FBLN2: variants seen among roughly 807,000 people sequenced by gnomAD.
The protein encoded by FBLN2 is fibulin 2, also known as fibulin-2.
In FBLN2, 81 loss-of-function variants were observed where a neutral mutation model predicts 123.7. The ratio of observed to expected loss-of-function variants is 0.65; its 90% CI spans 0.55 to 0.79. The LOEUF (loss-of-function observed/expected upper bound fraction) is 0.79. Ranked by LOEUF, FBLN2 falls within the 30% of genes least tolerant of loss-of-function variation. The pLI, the probability that FBLN2 is intolerant of heterozygous loss-of-function variation, is 0.00. For synonymous variants in FBLN2, 699 were observed against 701.4 expected, an observed-to-expected ratio of 1.00 and a Z score of 0.05; for missense variants, 1,603 against 1,681.3, an observed-to-expected ratio of 0.95 and a Z score of 0.81.
intron 2 of FBLN2, among the ~76,000 whole-genome samples, chr3:13,579,522 G>A (rs117919247): frequency 2.6e-5 from 4 of 152,384 alleles, no homozygotes; most frequent in South Asian, 4.1e-4. Context: ...GTGCGTGCAC[G>A]TATTTTCACA....
At position 13,549,219 on chromosome 3, in the gene FBLN2, G is replaced by C; in HGVS notation, c.-42+11G>C. ...GCGCAGTGCCCCGCGGTGAGTGCAC[G>C]CGGCCCCTCCCGCCCGGACTCATCC... On this transcript the variant is annotated intron_variant, in intron 1 of 17. Transcript: ENST00000404922. The C allele has an allele frequency of 1.0e-6, 1 of 983,640 alleles. No homozygotes were observed. Among genetic ancestry groups the C allele is most frequent in the Non-Finnish European group, 1.2e-6 (1 of 829,250 alleles). The allele number at this position is 983,640 out of a possible 1,614,324, so 60.9% of individuals were successfully genotyped here. A position where few individuals can be genotyped will look rare whatever the true frequency, so the allele number is the denominator to read the frequency against.
intron 2 of FBLN2, among the ~76,000 whole-genome samples, chr3:13,574,009 G>T (rs1704051943): frequency 6.6e-6 from 1 of 151,900 alleles, no homozygotes; most frequent in Non-Finnish European, 1.5e-5. Context: ...GCGGTGGCCT[G>T]AGCTCCCTGT....
In FBLN2 at chr3:13,571,605, TGGA is replaced by T. The variant is rs772064017; in HGVS notation, c.1257_1259del (p.Glu419del). 6.2e-7 allele frequency: 1 copy of T among 1,612,146 alleles called. No homozygotes were observed. The highest frequency in any genetic ancestry group is 2.2e-5 in the East Asian group (1 of 44,836). The stretch of plus-strand genomic sequence containing the variant: ...CCGCAAGTTCTGCCCCATTCCCACG[TGGA>T]GGAGGACACAGACCCCAACTCTGTC... On this transcript the variant is annotated inframe_deletion, in exon 2 of 18. Coordinates refer to ENST00000404922, the MANE Select transcript of FBLN2 (RefSeq NM_001004019.2).
intron 5 of FBLN2, among the ~76,000 whole-genome samples, chr3:13,615,556 C>T (rs1369348694): frequency 6.6e-6 from 1 of 152,254 alleles, no homozygotes. Context: ...GGCTCCTTCT[C>T]AGAGCCTTCA....
In FBLN2 at chr3:13,571,638, C is replaced by T. The variant is rs1214430976; in HGVS notation, c.1283C>T (p.Ser428Phe). The part of the protein sequence containing the change: ...EEDTDPNSVH[S>F]IPRSSPEGST... ...GACACAGACCCCAACTCTGTCCATT[C>T]TATCCCCAGAAGTAGCCCTGAAGGT... Residue 428 changes from serine (S) to phenylalanine (F), a missense_variant, in exon 2 of 18, where the codon TCT becomes TTT. By Grantham distance (155) the Ser-to-Phe change is radical. Transcript: ENST00000404922. 1 of 1,603,836 alleles carries T rather than the reference C, an allele frequency of 6.2e-7. No individual in the cohort carries two copies. The highest frequency in any genetic ancestry group is 1.3e-5 in the African/African-American group (1 of 74,790).
chr3:13,612,345 T>A (rs1413218868), intron 4 of FBLN2, among the ~76,000 whole-genome samples: 2 of 147,774 alleles, frequency 1.4e-5, no homozygotes, highest in Non-Finnish European at 3.0e-5. Flanking sequence ...CTTTCTTTTC[T>A]TTCTTTTTCT....
rs542589448 is a variant in FBLN2, at chr3:13,585,458, C to T, written c.1306+13797C>T. Reference sequence around the variant, plus strand: ...AGGCGGGCCTGGTGGTACAGTCAAGCGCTGCATAATGACATTTCCATCAAT... The same window carrying T: ...AGGCGGGCCTGGTGGTACAGTCAAGTGCTGCATAATGACATTTCCATCAAT... On this transcript the variant is annotated intron_variant, in intron 2 of 17. Coordinates refer to ENST00000404922, the MANE Select transcript of FBLN2 (RefSeq NM_001004019.2). Among the ~76,000 whole-genome samples the T allele has an allele frequency of 4.6e-5, 7 of 152,244 alleles. No homozygotes were observed. The East Asian group carries it at 5.8e-4, about 13-fold the overall frequency.
At chr3:13,628,315 A>C (rs1024702432) in intron 11 of FBLN2, among the ~76,000 whole-genome samples, 1 of 152,136 alleles carries the variant, frequency 6.6e-6, no homozygotes, top group African/African-American at 2.4e-5. Flanking sequence ...CCTGGCACAG[A>C]CATCTACACA....
chr3:13,611,838 A>G (rs143583983), intron 4 of FBLN2, among the ~76,000 whole-genome samples: 1 of 152,326 alleles, frequency 6.6e-6, no homozygotes, highest in African/African-American at 2.4e-5. Flanking sequence ...TCTAGCTGCA[A>G]GGAAGACTAG....
At chr3:13,621,679 C>A in intron 8 of FBLN2, 96 bp from the exon 9 acceptor site, 2 of 1,386,218 alleles carry the variant, frequency 1.4e-6, no homozygotes, top group Non-Finnish European at 2.0e-6. Flanking sequence ...AGGCCCCTGC[C>A]CCTTGCTGGG....
Position 13,618,888 on chromosome 3 carries a change from G to T in FBLN2, c.1940-16G>T, listed in dbSNP as rs1289841089. The T allele has an allele frequency of 6.2e-7, 1 of 1,603,688 alleles. No individual in the cohort carries two copies. Among genetic ancestry groups the T allele is most frequent in the Admixed American group, 1.7e-5 (1 of 59,008 alleles). On this transcript the variant is annotated splice_polypyrimidine_tract_variant and intron_variant, in intron 6 of 17. Coordinates refer to ENST00000404922, the MANE Select transcript of FBLN2 (RefSeq NM_001004019.2). ...GAGACCTCCCTGCAACCCCCACTCT[G>T]CTCTACCCATGACAGAGGGTCACCC... is the stretch of plus-strand genomic sequence containing the variant.
chr3:13,601,755 A>G (rs1358564671), intron 2 of FBLN2, among the ~76,000 whole-genome samples: 3 of 152,230 alleles, frequency 2.0e-5, no homozygotes, highest in Non-Finnish European at 4.4e-5. Context: ...CTGAGAAAGT[A>G]AACTCATCCA....
chr3:13,572,719 T>C (rs1477272622), intron 2 of FBLN2, among the ~76,000 whole-genome samples: 2 of 152,322 alleles, frequency 1.3e-5, no homozygotes, highest in South Asian at 2.1e-4. Context: ...CCATGAGCTG[T>C]GGCGAGAAGG....
chr3:13,624,924 G>A (rs1450106562), intron 9 of FBLN2, among the ~76,000 whole-genome samples: 1 of 152,284 alleles, frequency 6.6e-6, no homozygotes, highest in East Asian at 1.9e-4. Context: ...GGCGGTTTCT[G>A]AGTTGGTGGC....
At chr3:13,579,124 A>C (rs544984351) in intron 2 of FBLN2, among the ~76,000 whole-genome samples, 2 of 152,220 alleles carry the variant, frequency 1.3e-5, no homozygotes, top group Non-Finnish European at 2.9e-5. Context: ...CCGGCAGTGC[A>C]CAAGGGTTCC....
chr3:13,570,989 C>G lies in FBLN2; in HGVS notation c.634C>G (p.Leu212Val). The G allele has an allele frequency of 6.2e-7, 1 of 1,607,962 alleles. No individual in the cohort carries two copies. The highest frequency in any genetic ancestry group is 1.3e-5 in the African/African-American group (1 of 74,936). ...EVAEVEAATA[L>V]GGEVQAGAVQ... ...GGCCGAGGTGGAAGCAGCAACAGCC[C>G]TGGGGGGTGAGGTCCAGGCGGGTGC... is the stretch of plus-strand genomic sequence containing the variant. Residue 212 changes from leucine (L) to valine (V), a missense_variant, in exon 2 of 18, where the codon CTG becomes GTG. By Grantham distance (32) the Leu-to-Val change is conservative. Transcript: ENST00000404922.
chr3:13,636,673 G>T (rs2290188), intron 17 of FBLN2, 105 bp downstream of exon 17: 667,455 of 1,369,702 alleles, frequency 0.49, 167,826 homozygotes, highest in African/African-American at 0.8. Context: ...CCTCCCTCTC[G>T]TCCCAGCCCC....
chr3:13,561,731 G>T (rs1325979328), intron 1 of FBLN2, among the ~76,000 whole-genome samples: 2 of 152,198 alleles, frequency 1.3e-5, no homozygotes, highest in Non-Finnish European at 2.9e-5. Flanking sequence ...TTGGCTGCAT[G>T]CGGGTAGGAC....
intron 2 of FBLN2, among the ~76,000 whole-genome samples, chr3:13,605,447 T>C (rs572269985): frequency 1.3e-4 from 20 of 152,330 alleles, no homozygotes; most frequent in African/African-American, 4.3e-4. Flanking sequence ...ATAGTAGAAC[T>C]GATTTGGCTT....
Sources: allele counts gnomAD v4.1 joint callset (sites outside exome capture counted in the v4.1 genomes callset), GRCh38; gene constraint gnomAD v4.1.1; transcripts MANE v1.5; gene names NCBI Gene and HGNC (gene_info 2026-07-23, HGNC 2026-07-21).